Variants in ZBTB34 observed in about 807,000 individuals in gnomAD.
ZBTB34 encodes the protein zinc finger and BTB domain containing 34, also known as zinc finger and BTB domain-containing protein 34.
ZBTB34 carries 1 observed loss-of-function variant against 33.4 expected under a neutral mutation model. The observed-to-expected ratio is 0.03, with a 90% CI of 0.01 to 0.14. The LOEUF is 0.14. ZBTB34 is among the 10% of genes least tolerant of loss of function. The pLI is 1.00. For synonymous variants in ZBTB34, 283 were observed against 253.5 expected (o/e 1.12, Z -1.11); for missense variants, 406 against 657.2 (o/e 0.62, Z 4.18).
At chr9:126,863,075 C>G (rs965378710) in intron 1 of ZBTB34, among the ~76,000 whole-genome samples, 2 of 152,128 alleles carry the variant, frequency 1.3e-5, no homozygotes, top group Non-Finnish European at 2.9e-5. Flanking sequence ...TCCCTCTGAT[C>G]ATGGGAAAAG....
chr9:126,879,343 T>G lies in ZBTB34; in HGVS notation c.-10-47T>G. ...AAGCTTGTGTTTATGCCACTTGTAC[T>G]TAGTGAGGAGTCATTGGTGAATGAT... On this transcript the variant is annotated intron_variant, in intron 1 of 1. Transcript: ENST00000319119. This position sits in a 1 kb window ranked among gnomAD's most constrained non-coding sequence, Gnocchi z 6.4. 6.7e-7 allele frequency: 1 copy of G among 1,486,478 alleles called. No individual in the cohort carries two copies. The highest frequency in any genetic ancestry group is 9.1e-7 in the Non-Finnish European group (1 of 1,093,058). 92.1% of individuals were successfully genotyped at this position (1,486,478 alleles called of 1,614,324 possible). A position where few individuals can be genotyped will look rare whatever the true frequency, so the allele number is the denominator to read the frequency against.
At chr9:126,874,456 T>G (rs2033327944) in intron 1 of ZBTB34, among the ~76,000 whole-genome samples, 1 of 152,228 alleles carries the variant, frequency 6.6e-6, no homozygotes, top group South Asian at 2.1e-4. Context: ...GTTGTATTTC[T>G]TCTGTAGTTA....
At chr9:126,877,001 C>T (rs549055314) in intron 1 of ZBTB34, among the ~76,000 whole-genome samples, 1 of 152,126 alleles carries the variant, frequency 6.6e-6, no homozygotes, top group Non-Finnish European at 1.5e-5. Context: ...AAAATTCCGT[C>T]TGTGATTATG....
chr9:126,880,379 A>G lies in ZBTB34; in HGVS notation c.980A>G (p.Lys327Arg), dbSNP rs750765444. The G allele has an allele frequency of 2.5e-6, 4 of 1,613,714 alleles. No individual in the cohort carries two copies. Among genetic ancestry groups the G allele is most frequent in the Non-Finnish European group, 3.4e-6 (4 of 1,179,826 alleles). Reference sequence around the variant, plus strand: ...TTCCGAGGAGGGCGTGCCCGCCAGAAGCGGGCTTTGTCTGTCCACCTGCAC... The same window carrying G: ...TTCCGAGGAGGGCGTGCCCGCCAGAGGCGGGCTTTGTCTGTCCACCTGCAC... Residue 327 changes from lysine (K) to arginine (R), a missense_variant, in exon 2 of 2, where the codon AAG (lysine) becomes AGG (arginine). Physicochemically the swap from Lys to Arg is conservative, Grantham distance 26. Coordinates refer to ENST00000319119, the Ensembl canonical transcript of ZBTB34. This position sits in a 1 kb window ranked among gnomAD's most constrained non-coding sequence, Gnocchi z 6.7.
chr9:126,866,222 C>G (rs925261007), intron 1 of ZBTB34, among the ~76,000 whole-genome samples: 2 of 152,126 alleles, frequency 1.3e-5, no homozygotes, highest in African/African-American at 4.8e-5. Flanking sequence ...TAATATTTCT[C>G]TCTAGCTCCA....
At chr9:126,862,095 G>A (rs2033149803) in intron 1 of ZBTB34, among the ~76,000 whole-genome samples, 1 of 152,172 alleles carries the variant, frequency 6.6e-6, no homozygotes, top group Admixed American at 6.5e-5. Context: ...GAGAGATGGA[G>A]GTCACTGTAG....
intron 1 of ZBTB34, among the ~76,000 whole-genome samples, chr9:126,865,207 C>T (rs892501730): frequency 2.6e-5 from 4 of 152,210 alleles, no homozygotes; most frequent in East Asian, 1.9e-4. Context: ...GAGACGATCC[C>T]GCATCTCTGG....
intron 1 of ZBTB34, among the ~76,000 whole-genome samples, chr9:126,873,082 CCTT>C (rs2033302650): frequency 6.6e-6 from 1 of 152,154 alleles, no homozygotes. Flanking sequence ...GCAGTCCACA[CCTT>C]TAAAAAGCCT....
At chr9:126,882,600 G>C (rs1183652775) in exon 2 of ZBTB34, 1 of 167,098 alleles carries the variant, frequency 6.0e-6, no homozygotes, top group Non-Finnish European at 1.5e-5. Flanking sequence ...CAGCGTTCTG[G>C]TATCTGCCTG....
At chr9:126,875,589 C>A (rs1046125795) in intron 1 of ZBTB34, among the ~76,000 whole-genome samples, 1 of 151,964 alleles carries the variant, frequency 6.6e-6, no homozygotes, top group Admixed American at 6.6e-5. Flanking sequence ...TTTTCTGGTT[C>A]CTGTTGCTAT....
chr9:126,880,515 C>T lies in ZBTB34; in HGVS notation c.1116C>T (p.Tyr372=), dbSNP rs772274146. ...GTGCGAGAGGGCATTGGTACCCGTA[C>T]AATGAGAGGTTGATCTGTATTTACT... Residue 372 remains tyrosine (Y), a synonymous_variant, in exon 2 of 2, where the codon TAC becomes TAT. Transcript: ENST00000319119. This position sits in a 1 kb window ranked among gnomAD's most constrained non-coding sequence, Gnocchi z 6.7. 2.5e-6 allele frequency: 4 copies of T among 1,613,828 alleles called. No homozygotes were observed. In the South Asian group the frequency reaches 3.3e-5, roughly 13 times the overall value.
chr9:126,879,498 G>A lies in ZBTB34; in HGVS notation c.99G>A (p.Gly33=). The change falls in exon 2 of 2, where the codon GGG becomes GGA. Residue 33 remains glycine (G), a synonymous_variant. Coordinates refer to ENST00000319119, the Ensembl canonical transcript of ZBTB34. This position sits in a 1 kb window ranked among gnomAD's most constrained non-coding sequence, Gnocchi z 6.4. ...AGCTAAACGAACTCCGCCTGCAGGG[G>A]AAACTATGTGACATCATTGTACACA... 6.2e-7 allele frequency: 1 copy of A among 1,613,888 alleles called. No homozygotes were observed.
intron 1 of ZBTB34, chr9:126,863,644 A>C (rs531522270): frequency 1.0e-4 from 102 of 981,364 alleles, no homozygotes; most frequent in Non-Finnish European, 1.1e-4. Flanking sequence ...AACGCAGTTA[A>C]ATTTCTAATG....
rs778144722 is a variant in ZBTB34, at chr9:126,880,054, A to C, written c.655A>C (p.Ile219Leu). The stretch of plus-strand genomic sequence containing the variant: ...GAGCGTTTCTGAATATGAGATTCAG[A>C]TAGAGGGAGACCATGAGCAAGGAGA... The change falls in exon 2 of 2, where the codon ATA (isoleucine) becomes CTA (leucine). Residue 219 changes from isoleucine (I) to leucine (L), a missense_variant. Ile to Leu is a conservative substitution (Grantham distance 5). Around this residue, in one of 6 missense-constraint regions of ZBTB34, gnomAD observed 137 missense variants for 173.0 expected, o/e 0.79. Coordinates refer to ENST00000319119, the Ensembl canonical transcript of ZBTB34. This position sits in a 1 kb window ranked among gnomAD's most constrained non-coding sequence, Gnocchi z 6.7. The C allele has an allele frequency of 6.2e-7, 1 of 1,613,714 alleles. No homozygotes were observed.
rs12178 is a variant in ZBTB34 at position 126,884,496 on chromosome 9, A to G, written c.*3582A>G. 0.12 allele frequency: 19,983 copies of G among 166,050 alleles called. 1,772 individuals carry two copies. Among genetic ancestry groups the G allele is most frequent in the East Asian group, 0.51 (2,608 of 5,164 alleles). The allele number at this position is 166,050 out of a possible 1,614,324, so 10.3% of individuals were successfully genotyped here. ...TTGTTTTAGTTTAGTTTTTTTTTTT[A>G]AACAGCAGAAAGGATACTGTCGGTT... On this transcript the variant is annotated 3_prime_UTR_variant, in exon 2 of 2. Transcript: ENST00000319119.
intron 1 of ZBTB34, among the ~76,000 whole-genome samples, chr9:126,878,239 G>A (rs1331287030): frequency 2.6e-5 from 4 of 151,730 alleles, no homozygotes; most frequent in Non-Finnish European, 5.9e-5. Flanking sequence ...GGAGGCCGAG[G>A]GGAGCAGATC....
At chr9:126,873,983 C>T (rs1193564549) in intron 1 of ZBTB34, among the ~76,000 whole-genome samples, 1 of 149,556 alleles carries the variant, frequency 6.7e-6, no homozygotes, top group Non-Finnish European at 1.5e-5. Context: ...TCGCGTTTTT[C>T]AGTTGTTACA....
chr9:126,882,744 T>G (rs2033460142), exon 2 of ZBTB34: 1 of 167,058 alleles, frequency 6.0e-6, no homozygotes, highest in Non-Finnish European at 1.5e-5. Context: ...TGTTTGCTGG[T>G]TTTCTGTGCT....
At chr9:126,871,180 GGGGTGTGTGT>G (rs1459227551) in intron 1 of ZBTB34, among the ~76,000 whole-genome samples, 19 of 69,070 alleles carry the variant, frequency 2.8e-4, no homozygotes, top group African/African-American at 4.1e-4. Context: ...GTAAGTGAGG[GGGGTGTGTGT>G]GTGTGTGTGT....
Sources: gnomAD v4.1 joint callset for allele counts (sites outside exome capture counted in the v4.1 genomes callset) on GRCh38, gnomAD v4.1.1 for gene constraint, gnomAD v4.1.1 regional missense constraint, Gnocchi (gnomAD v3.1) non-coding constraint, MANE v1.5 for transcripts, NCBI Gene and HGNC (gene_info 2026-07-23, HGNC 2026-07-21) for gene names.